FAM107B: variants seen among roughly 807,000 people sequenced by gnomAD.
FAM107B encodes the protein family with sequence similarity 107 member B, also known as protein FAM107B.
A neutral mutation model predicts 31.5 loss-of-function variants in FAM107B; 21 were observed. That is an observed-to-expected ratio of 0.67 (90% confidence interval 0.47 to 0.96). The LOEUF (loss-of-function observed/expected upper bound fraction) is 0.96. FAM107B is among the 40% of genes least tolerant of loss of function. The pLI is 0.00. For missense variants in FAM107B, 452 were observed against 377.1 expected, an observed-to-expected ratio of 1.20 and a Z score of -1.64; for synonymous variants, 157 against 141.5, an observed-to-expected ratio of 1.11 and a Z score of -0.78.
intron 2 of FAM107B, among the ~76,000 whole-genome samples, chr10:14,662,416 A>C: frequency 7.1e-6 from 1 of 141,236 alleles, no homozygotes; most frequent in African/African-American, 2.7e-5. Context: ...TCGCTCTCTC[A>C]CCCAGGCTGG....
intron 2 of FAM107B, among the ~76,000 whole-genome samples, chr10:14,583,894 G>A (rs971952965): frequency 1.4e-4 from 21 of 152,116 alleles, no homozygotes; most frequent in Middle Eastern, 3.2e-3. Flanking sequence ...AGTACAAAAC[G>A]ACACTCTCCC....
intron 2 of FAM107B, chr10:14,572,034 C>T (rs1174797838): frequency 2.0e-6 from 2 of 985,360 alleles, no homozygotes; most frequent in South Asian, 4.7e-5. Flanking sequence ...GAAAAGCACC[C>T]AAAACAAGAA....
intron 2 of FAM107B, among the ~76,000 whole-genome samples, chr10:14,547,024 G>A (rs1368838311): frequency 6.6e-6 from 1 of 152,040 alleles, no homozygotes; most frequent in African/African-American, 2.4e-5. Context: ...AATTGTTTCT[G>A]CCTCCTGGCC....
chr10:14,686,835 G>C (rs1037740393), intron 1 of FAM107B, among the ~76,000 whole-genome samples: 2 of 152,354 alleles, frequency 1.3e-5, no homozygotes, highest in Admixed American at 6.5e-5. Flanking sequence ...GAGAGGGGCA[G>C]GTGGAGCCAA....
intron 1 of FAM107B, among the ~76,000 whole-genome samples, chr10:14,762,136 T>A (rs9988705): frequency 0.035 from 5,304 of 151,544 alleles, 294 homozygotes; most frequent in African/African-American, 0.12. Flanking sequence ...TCTGCCGCCA[T>A]CCCTAGATTG....
intron 2 of FAM107B, 66 bp from the exon 3 acceptor site, chr10:14,530,581 G>T: frequency 6.7e-7 from 1 of 1,481,586 alleles, no homozygotes. Flanking sequence ...CACATGCAGA[G>T]GCCCACAGAG....
At chr10:14,553,375 C>A in intron 2 of FAM107B, 1 of 1,278,712 alleles carries the variant, frequency 7.8e-7, no homozygotes, top group Non-Finnish European at 1.0e-6. Flanking sequence ...AAATTAGTTT[C>A]AACTGCATTC....
chr10:14,586,469 A>G (rs942621912), intron 2 of FAM107B, among the ~76,000 whole-genome samples: 2 of 152,156 alleles, frequency 1.3e-5, no homozygotes, highest in South Asian at 2.1e-4. Context: ...CAACGTGATG[A>G]TATTTGGAAG....
At chr10:14,605,971 C>A (rs888000801) in intron 2 of FAM107B, among the ~76,000 whole-genome samples, 2 of 152,172 alleles carry the variant, frequency 1.3e-5, no homozygotes, top group Non-Finnish European at 2.9e-5. Context: ...TCCTAACTGG[C>A]CCCAGCCTCT....
chr10:14,652,348 A>T (rs186915158), intron 2 of FAM107B, among the ~76,000 whole-genome samples: 1 of 152,334 alleles, frequency 6.6e-6, no homozygotes, highest in African/African-American at 2.4e-5. Flanking sequence ...AGAAAGATAC[A>T]AAATCAACCC....
At chr10:14,664,206 T>C (rs1205862806) in intron 2 of FAM107B, among the ~76,000 whole-genome samples, 1 of 152,252 alleles carries the variant, frequency 6.6e-6, no homozygotes, top group South Asian at 2.1e-4. Flanking sequence ...TCTATTTGAC[T>C]GAAGCTCTGT....
chr10:14,765,148 G>A lies in FAM107B; in HGVS notation c.411+9105C>T, dbSNP rs556855052. Among the ~76,000 whole-genome samples, 7 of 152,240 alleles carry A rather than the reference G, an allele frequency of 4.6e-5. No homozygotes were observed. In the East Asian group the frequency reaches 1.3e-3, roughly 29 times the overall value. On this transcript the variant is annotated intron_variant, in intron 1 of 4. Transcript: ENST00000181796. ...ATATCAATACCTACTCACAGAACAT[G>A]CCCTATTTCTAACTGAATTGGAAAT... is the stretch of plus-strand genomic sequence containing the variant.
intron 2 of FAM107B, among the ~76,000 whole-genome samples, chr10:14,546,111 A>C (rs556880557): frequency 6.6e-6 from 1 of 152,370 alleles, no homozygotes; most frequent in South Asian, 2.1e-4. Flanking sequence ...AAACAGACTT[A>C]ATGACAGAAA....
intron 2 of FAM107B, among the ~76,000 whole-genome samples, chr10:14,604,962 CACAAAGTA>C: frequency 6.6e-6 from 1 of 152,154 alleles, no homozygotes; most frequent in Non-Finnish European, 1.5e-5. Flanking sequence ...CTGTCTCACA[CACAAAGTA>C]CCCAAGAGCG....
intron 2 of FAM107B, among the ~76,000 whole-genome samples, chr10:14,561,372 G>T (rs1389951783): frequency 6.6e-6 from 1 of 152,218 alleles, no homozygotes; most frequent in Non-Finnish European, 1.5e-5. Flanking sequence ...CACTATTGTG[G>T]ATATTCATGA....
At chr10:14,690,903 T>C (rs1855118317) in intron 1 of FAM107B, among the ~76,000 whole-genome samples, 2 of 150,116 alleles carry the variant, frequency 1.3e-5, no homozygotes, top group African/African-American at 4.9e-5. Context: ...TGATGTCTGA[T>C]TGATCCATTC....
At chr10:14,668,493 C>T (rs1463058684) in intron 1 of FAM107B, among the ~76,000 whole-genome samples, 1 of 152,184 alleles carries the variant, frequency 6.6e-6, no homozygotes, top group African/African-American at 2.4e-5. Flanking sequence ...GGTAGGTGTA[C>T]ACATTCTTGT....
At chr10:14,568,976 T>C (rs1850952926) in intron 2 of FAM107B, among the ~76,000 whole-genome samples, 1 of 152,200 alleles carries the variant, frequency 6.6e-6, no homozygotes. Context: ...AGGTAGATTT[T>C]AACACACTGA....
At chr10:14,733,321 C>T (rs1304376376) in intron 1 of FAM107B, among the ~76,000 whole-genome samples, 2 of 152,136 alleles carry the variant, frequency 1.3e-5, no homozygotes, top group African/African-American at 2.4e-5. Context: ...TTTTCATCAA[C>T]GGAGATCACA....
Sources: allele counts gnomAD v4.1 joint callset (sites outside exome capture counted in the v4.1 genomes callset), GRCh38; gene constraint gnomAD v4.1.1; transcripts MANE v1.5; gene names NCBI Gene and HGNC (gene_info 2026-07-23, HGNC 2026-07-21).